The following SUGCT variants were observed in gnomAD, a reference collection of about 807,000 sequenced individuals.
SUGCT encodes the protein succinyl-CoA:glutarate-CoA transferase, also known as succinyl-CoA:glutarate CoA-transferase.
A neutral mutation model predicts 55.0 loss-of-function variants in SUGCT; 41 were observed. The ratio of observed to expected loss-of-function variants is 0.74; its 90% confidence interval spans 0.58 to 0.97. The LOEUF is 0.97. Among genes scored for constraint, SUGCT ranks in the 50% least tolerant of loss-of-function variants. The pLI is 0.00. For missense variants in SUGCT, 568 were observed against 547.8 expected (o/e 1.04, Z -0.37); for synonymous variants, 187 against 200.4 (o/e 0.93, Z 0.56).
At chr7:40,912,738 G>A in the SUGCT span, among the ~76,000 whole-genome samples, 52 of 126,498 alleles carry the variant, frequency 4.1e-4, no homozygotes, top group African/African-American at 1.5e-3. Context: ...TCTGTGTTCT[G>A]AAAGACTACA....
intron 6 of SUGCT, among the ~76,000 whole-genome samples, chr7:40,227,809 A>G (rs1347360155): frequency 6.6e-6 from 1 of 151,722 alleles, no homozygotes; most frequent in Admixed American, 6.6e-5. Flanking sequence ...GGCCAATGCC[A>G]TTATCACACA....
intron 13 of SUGCT, among the ~76,000 whole-genome samples, chr7:40,751,580 G>A (rs183015200): frequency 7.6e-4 from 115 of 152,302 alleles, no homozygotes; most frequent in African/African-American, 2.6e-3. Flanking sequence ...TGAAGAATCC[G>A]TAGCTAACAC....
At chr7:40,165,671 T>G (rs1003743333) in intron 1 of SUGCT, among the ~76,000 whole-genome samples, 2 of 152,230 alleles carry the variant, frequency 1.3e-5, no homozygotes, top group African/African-American at 4.8e-5. Flanking sequence ...TGACTCTAGA[T>G]ATACTTTTTA....
chr7:40,921,868 G>A, the SUGCT span, among the ~76,000 whole-genome samples: 2 of 152,170 alleles, frequency 1.3e-5, no homozygotes, highest in African/African-American at 2.4e-5. Context: ...TCACAATAGG[G>A]AGGTGGCAGT....
intron 12 of SUGCT, among the ~76,000 whole-genome samples, chr7:40,610,422 G>A (rs930561761): frequency 6.6e-6 from 1 of 152,090 alleles, no homozygotes; most frequent in Non-Finnish European, 1.5e-5. Context: ...TTTAGCTTGG[G>A]TGTTATTTTT....
At chr7:40,467,747 A>G (rs981332424) in intron 11 of SUGCT, among the ~76,000 whole-genome samples, 1 of 152,138 alleles carries the variant, frequency 6.6e-6, no homozygotes, top group African/African-American at 2.4e-5. Flanking sequence ...TTAACTGCCA[A>G]TCAGACATCC....
chr7:40,512,236 A>G (rs987967545), intron 12 of SUGCT, among the ~76,000 whole-genome samples: 3 of 152,186 alleles, frequency 2.0e-5, no homozygotes, highest in Non-Finnish European at 2.9e-5. Flanking sequence ...CTGAAGTGTC[A>G]ATACTTGTTC....
At chr7:40,317,384 A>G (rs980316643) in intron 9 of SUGCT, among the ~76,000 whole-genome samples, 1 of 152,166 alleles carries the variant, frequency 6.6e-6, no homozygotes, top group Non-Finnish European at 1.5e-5. Context: ...GGCTAGTGTA[A>G]ATGAATATGT....
At chr7:40,610,617 C>G (rs894270105) in intron 12 of SUGCT, among the ~76,000 whole-genome samples, 1 of 152,162 alleles carries the variant, frequency 6.6e-6, no homozygotes, top group African/African-American at 2.4e-5. Context: ...CGTAATGGTT[C>G]AACTTACACC....
chr7:40,915,548 G>A, the SUGCT span, among the ~76,000 whole-genome samples: 1 of 152,198 alleles, frequency 6.6e-6, no homozygotes, highest in Admixed American at 6.5e-5. Flanking sequence ...TTTTGGCAAT[G>A]CCGTGTTAAG....
At chr7:40,183,918 A>C (rs762834269) in intron 3 of SUGCT, among the ~76,000 whole-genome samples, 1 of 152,182 alleles carries the variant, frequency 6.6e-6, no homozygotes, top group Non-Finnish European at 1.5e-5. Context: ...TCACGCCTGT[A>C]GTCCCAACAT....
chr7:40,613,848 C>T (rs1386871009), intron 12 of SUGCT, among the ~76,000 whole-genome samples: 1 of 152,146 alleles, frequency 6.6e-6, no homozygotes, highest in Admixed American at 6.5e-5. Context: ...TCGGTTTGAT[C>T]CGCCCTCCTC....
intron 9 of SUGCT, among the ~76,000 whole-genome samples, chr7:40,444,004 G>C (rs1398401252): frequency 1.3e-5 from 2 of 151,968 alleles, no homozygotes; most frequent in Non-Finnish European, 2.9e-5. Context: ...TCTTGTTTTT[G>C]TCAGGCTTGT....
chr7:40,253,675 C>G lies in SUGCT; in HGVS notation c.576+15949C>G, dbSNP rs528510909. On this transcript the variant is annotated intron_variant, in intron 7 of 13. Transcript: ENST00000335693. ...CCTCCCGGTGGCTGGACAGAGCCAC[C>G]ACGCACGGCTAATTTTTCTATTTTC... 1.4e-3 allele frequency among the ~76,000 whole-genome samples: 216 copies of G among 152,260 alleles called. 1 individual carries two copies. Among genetic ancestry groups the G allele is most frequent in the South Asian group, 6.2e-3 (30 of 4,820 alleles).
chr7:40,600,724 G>GTT (rs71560195), intron 12 of SUGCT, among the ~76,000 whole-genome samples: 4,495 of 141,188 alleles, frequency 0.032, 235 homozygotes, highest in African/African-American at 0.11. Flanking sequence ...AAGGTAGAGA[G>GTT]TTTTTTTTTT....
At chr7:40,917,804 G>A in the SUGCT span, among the ~76,000 whole-genome samples, 1 of 152,074 alleles carries the variant, frequency 6.6e-6, no homozygotes, top group African/African-American at 2.4e-5. Flanking sequence ...AAGAACCTCT[G>A]GCATCCCTTT....
intron 12 of SUGCT, among the ~76,000 whole-genome samples, chr7:40,733,806 G>A (rs1178732783): frequency 2.0e-5 from 3 of 152,188 alleles, no homozygotes; most frequent in Non-Finnish European, 4.4e-5. Flanking sequence ...GCTTGGCCTT[G>A]TGGCTGTTCA....
intron 13 of SUGCT, among the ~76,000 whole-genome samples, chr7:40,842,820 G>A (rs1165407018): frequency 6.6e-6 from 1 of 152,178 alleles, no homozygotes; most frequent in Non-Finnish European, 1.5e-5. Flanking sequence ...ATACATGCAA[G>A]TTGCACAATT....
intron 12 of SUGCT, among the ~76,000 whole-genome samples, chr7:40,517,242 A>G (rs1048887091): frequency 2.1e-5 from 3 of 142,762 alleles, no homozygotes; most frequent in Non-Finnish European, 3.0e-5. Flanking sequence ...TTTTTTTTCG[A>G]TGTGAATTCC....
Sources: gnomAD v4.1 joint callset for allele counts (sites outside exome capture counted in the v4.1 genomes callset) on GRCh38, gnomAD v4.1.1 for gene constraint, MANE v1.5 for transcripts, NCBI Gene and HGNC (gene_info 2026-07-23, HGNC 2026-07-21) for gene names.